The following PGAP6 variants were observed in gnomAD, a reference collection of about 807,000 sequenced individuals.
PGAP6 encodes post-GPI attachment to proteins 6, also known as post-GPI attachment to proteins factor 6.
Under a neutral mutation model 68.4 loss-of-function variants are expected in PGAP6, and 62 were observed. The observed-to-expected ratio is 0.91, with a 90% CI of 0.74 to 1.12. The LOEUF (loss-of-function observed/expected upper bound fraction) is 1.12. PGAP6 is among the 50% of genes most tolerant of loss of function. PGAP6 has a pLI of 0.00. For missense variants in PGAP6, 1,188 were observed against 1,068.5 expected (o/e 1.11, Z -1.56); for synonymous variants, 575 against 474.0 (o/e 1.21, Z -2.77).
Position 377,518 on chromosome 16 carries a change from C to A in PGAP6, c.367G>T (p.Val123Leu), listed in dbSNP as rs765581694. The A allele has an allele frequency of 6.3e-7, 1 of 1,597,028 alleles. No homozygotes were observed. The highest frequency in any genetic ancestry group is 1.1e-5 in the South Asian group (1 of 88,640). ...ACCCCGACCTGGAAGGAGGGCTGTACCGCGGTGTCGTCCGGGAAGCTGGTG... is the reference window on the plus strand; with the variant it reads ...ACCCCGACCTGGAAGGAGGGCTGTAACGCGGTGTCGTCCGGGAAGCTGGTG... ...LGTSFPDDTA[V>L]QPSFQVGVPL... Residue 123 changes from valine to leucine, a missense_variant, in exon 3 of 13, where the codon GTA (valine) becomes TTA (leucine). Physicochemically the swap from Val to Leu is conservative, Grantham distance 32. Coordinates refer to ENST00000431232, the MANE Select transcript of PGAP6 (RefSeq NM_021259.3).
upstream of PGAP6, among the ~76,000 whole-genome samples, chr16:385,667 C>T (rs1289513045): frequency 6.9e-4 from 92 of 133,474 alleles, no homozygotes; most frequent in Admixed American, 2.2e-3. Context: ...CTCTGTCGCC[C>T]AGGCTGGAGT....
chr16:384,748 C>G (rs1414123905), upstream of PGAP6, among the ~76,000 whole-genome samples: 1 of 151,822 alleles, frequency 6.6e-6, no homozygotes, highest in East Asian at 1.9e-4. Context: ...CCCAGCTACT[C>G]CAGAGGCTGA....
Position 372,262 on chromosome 16 carries a change from G to A in PGAP6, c.2041C>T (p.Arg681Cys), listed in dbSNP as rs142172520. The part of the protein sequence containing the change: ...SMWAYRCGHR[R>C]QCYPTSWQRW... ...TGCCACGAGGTGGGGTAGCACTGGC[G>A]CCGGTGCCCGCAGCGGTAAGCCTGG... Residue 681 changes from arginine to cysteine, a missense_variant, in exon 13 of 13, where the codon CGC becomes TGC. Arg to Cys is a radical substitution (Grantham distance 180). Transcript: ENST00000431232. 6.4e-5 allele frequency: 103 copies of A among 1,610,482 alleles called. No individual in the cohort carries two copies. Among genetic ancestry groups the A allele is most frequent in the Non-Finnish European group, 5.7e-5 (67 of 1,179,770 alleles).
At chr16:384,890 C>A (rs191286905), upstream of PGAP6, among the ~76,000 whole-genome samples, 144 of 150,612 alleles carry the variant, frequency 9.6e-4, 1 homozygote, top group East Asian at 0.027. Flanking sequence ...AGGCCGTACG[C>A]GGTGGCTAAT....
At chr16:386,711 C>CAA (rs374913403), upstream of PGAP6, 4,324 of 192,550 alleles carry the variant, frequency 0.022, no homozygotes, top group Middle Eastern at 0.027. Context: ...CCAGTCTCTA[C>CAA]AAAAAAAAAA....
upstream of PGAP6, among the ~76,000 whole-genome samples, chr16:383,977 G>C (rs1047200011): frequency 6.6e-6 from 1 of 152,212 alleles, no homozygotes; most frequent in East Asian, 1.9e-4. Flanking sequence ...TTTGTTTCCC[G>C]GGAATCCCAG....
At chr16:386,535 C>T (rs1210757784), upstream of PGAP6, 1 of 309,122 alleles carries the variant, frequency 3.2e-6, no homozygotes, top group South Asian at 2.8e-5. Context: ...GACCCAGTGC[C>T]CTAACCTGTC....
chr16:378,882 G>A (rs1414622484), intron 1 of PGAP6, among the ~76,000 whole-genome samples: 4 of 152,230 alleles, frequency 2.6e-5, no homozygotes, highest in African/African-American at 9.6e-5. Flanking sequence ...CTCAGGGAAC[G>A]CACCCACGCC....
chr16:374,507 C>G (rs1567323246), intron 9 of PGAP6, 108 bp from the exon 10 acceptor site: 2 of 1,303,434 alleles, frequency 1.5e-6, no homozygotes, highest in Admixed American at 2.8e-5. Flanking sequence ...CAGGAGCAAG[C>G]AGGGTAGGCA....
At chr16:379,017 C>T (rs1464052054) in intron 1 of PGAP6, among the ~76,000 whole-genome samples, 1 of 152,178 alleles carries the variant, frequency 6.6e-6, no homozygotes, top group African/African-American at 2.4e-5. Flanking sequence ...CTTGGGCATC[C>T]TTCCCTCCCT....
intron 1 of PGAP6, among the ~76,000 whole-genome samples, chr16:378,204 C>CCCGA (rs1555491575): frequency 2.3e-5 from 2 of 88,674 alleles, no homozygotes; most frequent in African/African-American, 5.0e-5. Flanking sequence ...CCATCGCCAC[C>CCCGA]CTGACTGCCA....
chr16:379,382 G>A (rs536119345), intron 1 of PGAP6, among the ~76,000 whole-genome samples: 65 of 152,338 alleles, frequency 4.3e-4, no homozygotes, highest in African/African-American at 1.0e-3. Flanking sequence ...GGAACCTGGC[G>A]TGGCGACTGG....
upstream of PGAP6, chr16:386,726 CAAAAAAAA>C (rs10544230): frequency 2.0e-4 from 63 of 312,002 alleles, 1 homozygote; most frequent in African/African-American, 1.1e-3. Flanking sequence ...AAAAAAAAAC[CAAAAAAAA>C]AAAAAAAAAA....
In PGAP6 at chr16:378,302, C is replaced by CCATCCCCACCCGCACTGA. The variant is rs2054407544; in HGVS notation, c.122-455_122-454insTCAGTGCGGGTGGGGATG. Among the ~76,000 whole-genome samples the CCATCCCCACCCGCACTGA allele has an allele frequency of 1.3e-4, 11 of 86,390 alleles. 1 individual carries two copies. Among genetic ancestry groups the CCATCCCCACCCGCACTGA allele is most frequent in the South Asian group, 3.9e-4 (1 of 2,588 alleles). The allele number at this position is 86,390 out of a possible 152,430, so 56.7% of individuals were successfully genotyped here. ...CACACTGCCATCGCCACCCGCACTGCCATCGCCACCCGCACTGCCATCGCC... is the reference window on the plus strand; with the variant it reads ...CACACTGCCATCGCCACCCGCACTGCCATCCCCACCCGCACTGACATCGCCACCCGCACTGCCATCGCC... On this transcript the variant is annotated intron_variant, in intron 1 of 12. Coordinates refer to ENST00000431232, the MANE Select transcript of PGAP6 (RefSeq NM_021259.3).
At position 374,526 on chromosome 16, in the gene PGAP6, G is replaced by A. The variant is rs554426905; in HGVS notation, c.1577-127C>T. On this transcript the variant is annotated intron_variant, in intron 9 of 12. Transcript: ENST00000431232. ...AGCAAGCAGGGTAGGCACGGCGGGC[G>A]GGGTCCAAGGTCAGGAGGCAGTACC... 3,175 of 1,197,748 alleles carry A rather than the reference G, an allele frequency of 2.7e-3. 9 individuals are homozygous for A. Among genetic ancestry groups the A allele is most frequent in the South Asian group, 3.5e-3 (219 of 62,512 alleles). The allele number at this position is 1,197,748 out of a possible 1,614,324, so 74.2% of individuals were successfully genotyped here. A position where few individuals can be genotyped will look rare whatever the true frequency, so the allele number is the denominator to read the frequency against.
At chr16:375,094 A>T in intron 8 of PGAP6, 39 bp downstream of exon 8, 1 of 1,607,110 alleles carries the variant, frequency 6.2e-7, no homozygotes, top group Non-Finnish European at 8.5e-7. Flanking sequence ...GTGAAATGAC[A>T]GGGTGCCTGG....
intron 3 of PGAP6, 78 bp downstream of exon 3, chr16:377,300 C>T: frequency 6.4e-7 from 1 of 1,563,664 alleles, no homozygotes; most frequent in Non-Finnish European, 8.7e-7. Context: ...GCGAGGACCA[C>T]CCCAAAGAGG....
Position 376,775 on chromosome 16 carries a change from C to A in PGAP6, c.673G>T (p.Glu225Ter), listed in dbSNP as rs970255628. Residue 225 changes from glutamate (E) to a stop codon, truncating the protein, a stop_gained, in exon 5 of 13, where the codon GAG (glutamate) becomes TAG (stop). Transcript: ENST00000431232. LOFTEE classifies it high-confidence loss of function. ...CCATTGGACACGCAGTCCCGCAGCT[C>A]CAGCAGAAGCTCCCGCGTGTAATCG... ...VPDYTRELLLELRDCVSNGSL... is the reference protein window; with the variant it reads ...VPDYTRELLL 1.9e-6 allele frequency: 3 copies of A among 1,610,304 alleles called. No individual in the cohort carries two copies. Among genetic ancestry groups the A allele is most frequent in the Non-Finnish European group, 2.5e-6 (3 of 1,179,902 alleles).
chr16:372,150 T>C lies in PGAP6; in HGVS notation c.2153A>G (p.Tyr718Cys), dbSNP rs577947530. Residue 718 changes from tyrosine to cysteine, a missense_variant, in exon 13 of 13, where the codon TAC (tyrosine) becomes TGC (cysteine). By Grantham distance (194) the Tyr-to-Cys change is radical. Coordinates refer to ENST00000431232, the MANE Select transcript of PGAP6 (RefSeq NM_021259.3). ...GTGCCAGATGCTGTGGGTGTAGTAG[T>C]AGTTGTCGCTAGTCATCATGGAGGT... The part of the protein sequence containing the change: ...IYTSMMTSDN[Y>C]YYTHSIWHIL... The C allele has an allele frequency of 4.0e-5, 65 of 1,612,814 alleles. 1 individual carries two copies. The South Asian group carries it at 7.0e-4, about 17-fold the overall frequency.
Sources: allele counts gnomAD v4.1 joint callset (sites outside exome capture counted in the v4.1 genomes callset), GRCh38; gene constraint gnomAD v4.1.1; transcripts MANE v1.5; gene names NCBI Gene and HGNC (gene_info 2026-07-23, HGNC 2026-07-21).